Variants in ZNF337 observed in about 807,000 individuals in gnomAD.
ZNF337 encodes the protein zinc finger protein 337.
ZNF337 carries 8 observed loss-of-function variants against 12.1 expected under a neutral mutation model. The observed-to-expected ratio is 0.66, with a 90% CI of 0.39 to 1.19. The LOEUF is 1.19. Ranked by LOEUF, ZNF337 falls within the 50% of genes most tolerant of loss-of-function variation. The pLI is 0.01. For missense variants in ZNF337, 882 were observed against 896.6 expected, an observed-to-expected ratio of 0.98 and a Z score of 0.21; for synonymous variants, 336 against 320.0, an observed-to-expected ratio of 1.05 and a Z score of -0.53.
At chr20:25,685,881 C>T in intron 3 of ZNF337, 115 bp downstream of exon 3, 1 of 1,479,878 alleles carries the variant, frequency 6.8e-7, no homozygotes, top group Non-Finnish European at 9.1e-7. Flanking sequence ...TTTACCAAAG[C>T]CAGACCTTCC....
rs1043966322 is a variant in ZNF337, at chr20:25,694,167, C to T, written c.-50+2592G>A. ...TTTAGAATTTAATATATGCCAGGGA[C>T]GGTTCCAGGCGTGGCACAAATTTTT... On this transcript the variant is annotated intron_variant, in intron 1 of 4. Transcript: ENST00000252979. Among the ~76,000 whole-genome samples, 4 of 152,286 alleles carry T rather than the reference C, an allele frequency of 2.6e-5. No individual in the cohort carries two copies. In the South Asian group the frequency reaches 6.2e-4, roughly 24 times the overall value.
intron 1 of ZNF337, among the ~76,000 whole-genome samples, chr20:25,692,463 G>A (rs1191099515): frequency 6.6e-6 from 1 of 152,158 alleles, no homozygotes; most frequent in African/African-American, 2.4e-5. Flanking sequence ...ATGGGGTGGG[G>A]AGGGGGTTGG....
At position 25,675,726 on chromosome 20, in the gene ZNF337, C is replaced by A; in HGVS notation, c.1562G>T (p.Cys521Phe). 2 of 1,614,098 alleles carry A rather than the reference C, an allele frequency of 1.2e-6. No homozygotes were observed. The highest frequency in any genetic ancestry group is 1.7e-6 in the Non-Finnish European group (2 of 1,180,034). The change falls in exon 5 of 5, where the codon TGT becomes TTT. Residue 521 changes from cysteine to phenylalanine, a missense_variant. Cys to Phe is a radical substitution (Grantham distance 205). Coordinates refer to ENST00000252979, the MANE Select transcript of ZNF337 (RefSeq NM_015655.4). ...LGEKRFFCRD[C>F]GRGFTLKPNL... ...TGGCTTCAAGGTAAAGCCTCGCCCA[C>A]AATCCCTGCAGAAAAAACGTTTCTC...
At chr20:25,688,673 A>C (rs1201175755) in intron 1 of ZNF337, among the ~76,000 whole-genome samples, 1 of 152,172 alleles carries the variant, frequency 6.6e-6, no homozygotes, top group Non-Finnish European at 1.5e-5. Flanking sequence ...ATAGTAATGT[A>C]GGTTTTTCTC....
chr20:25,682,387 T>C (rs1380909962), intron 4 of ZNF337, among the ~76,000 whole-genome samples: 1 of 152,070 alleles, frequency 6.6e-6, no homozygotes, highest in Non-Finnish European at 1.5e-5. Flanking sequence ...TAGGCTAAAA[T>C]ATATAAAGTC....
At chr20:25,684,091 A>G (rs1460295325) in intron 4 of ZNF337, among the ~76,000 whole-genome samples, 1 of 151,562 alleles carries the variant, frequency 6.6e-6, no homozygotes, top group Non-Finnish European at 1.5e-5. Context: ...TTCTCAGCAA[A>G]CTATCTCAAG....
chr20:25,692,580 G>A (rs2065890649), intron 1 of ZNF337, among the ~76,000 whole-genome samples: 2 of 152,082 alleles, frequency 1.3e-5, no homozygotes, highest in African/African-American at 4.8e-5. Flanking sequence ...TAGTAAATTT[G>A]AAAAAAATTG....
Position 25,676,743 on chromosome 20 carries a change from C to A in ZNF337, c.545G>T (p.Cys182Phe), listed in dbSNP as rs948655313. ...IENSRWGAFKCAERGQDFSRK... is the reference protein window; with the variant it reads ...IENSRWGAFKFAERGQDFSRK... The stretch of plus-strand genomic sequence containing the variant: ...GCTGAAGTCTTGCCCACGCTCTGCA[C>A]ACTTGAATGCTCCCCATCTTGAATT... Residue 182 changes from cysteine (C) to phenylalanine (F), a missense_variant, in exon 5 of 5, where the codon TGT (cysteine) becomes TTT (phenylalanine). By Grantham distance (205) the Cys-to-Phe change is radical. Transcript: ENST00000252979. 2.5e-6 allele frequency: 4 copies of A among 1,614,214 alleles called. No individual in the cohort carries two copies. The highest frequency in any genetic ancestry group is 3.4e-6 in the Non-Finnish European group (4 of 1,180,036).
At chr20:25,677,170 A>G (rs1281304419) in intron 4 of ZNF337, 133 bp from the exon 5 acceptor site, 2 of 796,118 alleles carry the variant, frequency 2.5e-6, no homozygotes, top group Non-Finnish European at 3.8e-6. Context: ...ATTCTTCTCA[A>G]ACTATTCCAA....
intron 1 of ZNF337, among the ~76,000 whole-genome samples, chr20:25,694,554 T>G (rs1320209274): frequency 6.6e-6 from 1 of 152,112 alleles, no homozygotes; most frequent in African/African-American, 2.4e-5. Context: ...CCCAGAGACA[T>G]TTAAAAAAAC....
intron 1 of ZNF337, among the ~76,000 whole-genome samples, chr20:25,688,588 T>C (rs1384967416): frequency 6.6e-6 from 1 of 152,244 alleles, no homozygotes; most frequent in African/African-American, 2.4e-5. Context: ...AGGGAAATTC[T>C]TTCTATTCCT....
At chr20:25,686,835 T>G in intron 1 of ZNF337, 1 of 204,964 alleles carries the variant, frequency 4.9e-6, no homozygotes, top group Non-Finnish European at 9.9e-6. Context: ...TCTCCCCGGG[T>G]TTGAAGTCAG....
In ZNF337 at chr20:25,676,295, A is replaced by G. The variant is rs1400050862; in HGVS notation, c.993T>C (p.Asn331=). 3 of 1,607,892 alleles carry G rather than the reference A, an allele frequency of 1.9e-6. No homozygotes were observed. The highest frequency in any genetic ancestry group is 1.7e-6 in the Non-Finnish European group (2 of 1,178,096). ...VCKECGRGYT[N]KSYFVVHKRI... Reference sequence around the variant, plus strand: ...TCTTGTGCACAACGAAGTATGACTTATTAGTATAGCCTCGCCCACACTCCT... The same window carrying G: ...TCTTGTGCACAACGAAGTATGACTTGTTAGTATAGCCTCGCCCACACTCCT... The change falls in exon 5 of 5, where the codon AAT becomes AAC. Residue 331 remains asparagine, a synonymous_variant. Coordinates refer to ENST00000252979, the MANE Select transcript of ZNF337 (RefSeq NM_015655.4).
chr20:25,686,175 G>A (rs2065831610), intron 2 of ZNF337, 53 bp from the exon 3 acceptor site: 1 of 1,608,826 alleles, frequency 6.2e-7, no homozygotes, highest in Admixed American at 1.7e-5. Flanking sequence ...CACTCACGCA[G>A]TTGGAGGATT....
chr20:25,691,764 T>A (rs2065884063), intron 1 of ZNF337, among the ~76,000 whole-genome samples: 2 of 152,218 alleles, frequency 1.3e-5, no homozygotes, highest in Admixed American at 1.3e-4. Context: ...AATAAATGTT[T>A]CTCTAAATTC....
At chr20:25,696,635 CGCCGGGCCTGGAGGA>C (rs2065933810) in intron 1 of ZNF337, 109 bp downstream of exon 1, 7 of 661,184 alleles carry the variant, frequency 1.1e-5, no homozygotes, top group Non-Finnish European at 1.3e-5. Flanking sequence ...AACGCGGAGA[CGCCGGGCCTGGAGGA>C]GCGCGCGCTA....
At position 25,689,480 on chromosome 20, in the gene ZNF337, A is replaced by G. The variant is rs2065866141; in HGVS notation, c.-49-3014T>C. Among the ~76,000 whole-genome samples, 4 of 152,178 alleles carry G rather than the reference A, an allele frequency of 2.6e-5. No homozygotes were observed. The South Asian group carries it at 8.3e-4, about 32-fold the overall frequency. Reference sequence around the variant, plus strand: ...TTGACTATTTTCCTCTGGAATGATTACATGTAAGGGCACATGAGAACTCTT... The same window carrying G: ...TTGACTATTTTCCTCTGGAATGATTGCATGTAAGGGCACATGAGAACTCTT... On this transcript the variant is annotated intron_variant, in intron 1 of 4. Coordinates refer to ENST00000252979, the MANE Select transcript of ZNF337 (RefSeq NM_015655.4).
rs777403937 is a variant in ZNF337, at chr20:25,675,347, C to G, written c.1941G>C (p.Gln647His). The G allele has an allele frequency of 1.2e-6, 2 of 1,614,242 alleles. No individual in the cohort carries two copies. Among genetic ancestry groups the G allele is most frequent in the South Asian group, 1.1e-5 (1 of 91,090 alleles). ...AGGGCTTCTCCCCTGAGTGTGTCCTCTGGTGTGTGAGGAGATTTCCCTTCC... is the reference window on the plus strand; with the variant it reads ...AGGGCTTCTCCCCTGAGTGTGTCCTGTGGTGTGTGAGGAGATTTCCCTTCC... ...FNWKGNLLTH[Q>H]RTHSGEKPFV... Residue 647 changes from glutamine to histidine, a missense_variant, in exon 5 of 5, where the codon CAG becomes CAC. Coordinates refer to ENST00000252979, the MANE Select transcript of ZNF337 (RefSeq NM_015655.4).
intron 1 of ZNF337, among the ~76,000 whole-genome samples, chr20:25,689,022 A>T (rs574854137): frequency 2.0e-5 from 3 of 152,022 alleles, no homozygotes; most frequent in Non-Finnish European, 2.9e-5. Context: ...CTGTAGTCCC[A>T]GCTACTCGGG....
Sources: allele counts gnomAD v4.1 joint callset (sites outside exome capture counted in the v4.1 genomes callset), GRCh38; gene constraint gnomAD v4.1.1; transcripts MANE v1.5; gene names NCBI Gene and HGNC (gene_info 2026-07-23, HGNC 2026-07-21).